The following PEX13 variants were observed in gnomAD, a reference collection of about 807,000 sequenced individuals.
PEX13 encodes peroxisome biogenesis factor 13.
In PEX13, 28 loss-of-function variants were observed where a neutral mutation model predicts 34.5. The observed-to-expected ratio is 0.81, with a 90% CI of 0.60 to 1.11. The LOEUF (loss-of-function observed/expected upper bound fraction) is 1.11. PEX13 is among the 50% of genes most tolerant of loss of function. The pLI is 0.00. For synonymous variants in PEX13, 177 were observed against 175.1 expected (o/e 1.01, Z -0.09); for missense variants, 550 against 491.0 (o/e 1.12, Z -1.13).
rs559788341 is a variant in PEX13, at chr2:61,040,713, G to A, written c.788-5013G>A. Among the ~76,000 whole-genome samples the A allele has an allele frequency of 2.6e-4, 39 of 149,792 alleles. No individual in the cohort carries two copies. The East Asian group carries it at 3.7e-3, about 14-fold the overall frequency. ...TAACAAACCGGCACACTGTGCACAC[G>A]TACCCTAGAACTTAAAGTATTAAAT... On this transcript the variant is annotated intron_variant, in intron 2 of 3. Coordinates refer to ENST00000295030, the MANE Select transcript of PEX13 (RefSeq NM_002618.4).
At chr2:61,039,230 A>G (rs892608742) in intron 2 of PEX13, among the ~76,000 whole-genome samples, 1 of 152,210 alleles carries the variant, frequency 6.6e-6, no homozygotes, top group African/African-American at 2.4e-5. Context: ...TCTTCACAGA[A>G]TTGGAAAAAA....
chr2:61,051,315 T>C lies in PEX13; in HGVS notation c.*2545T>C, dbSNP rs1680795359. 3 of 152,326 alleles carry C rather than the reference T, an allele frequency of 2.0e-5. No individual in the cohort carries two copies. The South Asian group carries it at 6.2e-4, about 32-fold the overall frequency. The allele number at this position is 152,326 out of a possible 1,614,324, so 9.4% of individuals were successfully genotyped here. On this transcript the variant is annotated 3_prime_UTR_variant, in exon 4 of 4. Coordinates refer to ENST00000295030, the MANE Select transcript of PEX13 (RefSeq NM_002618.4). Reference sequence around the variant, plus strand: ...TGTTTGATAAAACAGATTATTAAATTTGGGGTTGAGATGTCTAAATTGAAT... The same window carrying C: ...TGTTTGATAAAACAGATTATTAAATCTGGGGTTGAGATGTCTAAATTGAAT...
intron 2 of PEX13, among the ~76,000 whole-genome samples, chr2:61,036,801 G>A (rs547720029): frequency 1.3e-5 from 2 of 152,230 alleles, no homozygotes; most frequent in Non-Finnish European, 2.9e-5. Flanking sequence ...AATGTAAATG[G>A]GCTAAATGCC....
At chr2:61,046,606 G>A (rs1229052938) in intron 3 of PEX13, among the ~76,000 whole-genome samples, 1 of 151,926 alleles carries the variant, frequency 6.6e-6, no homozygotes, top group African/African-American at 2.4e-5. Flanking sequence ...ACAATAATAC[G>A]GTGAAGTGGT....
Position 61,038,124 on chromosome 2 carries a change from A to G in PEX13, c.787+6011A>G, listed in dbSNP as rs141756410. On this transcript the variant is annotated intron_variant, in intron 2 of 3. Transcript: ENST00000295030. ...TGAAGCAGTAATTAATAACCTACCA[A>G]CCAAAAAAAGTCCAGGACCAGACAG... Among the ~76,000 whole-genome samples, 133 of 152,288 alleles carry G rather than the reference A, an allele frequency of 8.7e-4. 1 individual carries two copies. In the East Asian group the frequency reaches 0.025, roughly 28 times the overall value.
At chr2:61,045,984 T>C (rs1680699123) in intron 3 of PEX13, 133 bp downstream of exon 3, 2 of 788,562 alleles carry the variant, frequency 2.5e-6, no homozygotes, top group Non-Finnish European at 4.3e-6. Context: ...CTTTTTCATG[T>C]CAATTTAGAG....
At position 61,048,804 on chromosome 2, in the gene PEX13, T is replaced by G; in HGVS notation, c.*34T>G. On this transcript the variant is annotated 3_prime_UTR_variant, in exon 4 of 4. Transcript: ENST00000295030. Reference sequence around the variant, plus strand: ...ATGTTTGCCTGCAGTTGAACAATACTTTAGAGTACTTTTTAAAATTATTTC... The same window carrying G: ...ATGTTTGCCTGCAGTTGAACAATACGTTAGAGTACTTTTTAAAATTATTTC... 1 of 1,491,754 alleles carries G rather than the reference T, an allele frequency of 6.7e-7. No homozygotes were observed. The allele number at this position is 1,491,754 out of a possible 1,614,324, so 92.4% of individuals were successfully genotyped here. A position where few individuals can be genotyped will look rare whatever the true frequency, so the allele number is the denominator to read the frequency against.
rs1323933367 is a variant in PEX13, at chr2:61,032,045, T to G, written c.719T>G (p.Phe240Cys). ...AAATCTTGGCCAATATTCTTGTTCT[T>G]TGCTGTTATCCTTGGTGGTCCTTAC... ...SAKSWPIFLF[F>C]AVILGGPYLI... The change falls in exon 2 of 4, where the codon TTT (phenylalanine) becomes TGT (cysteine). Residue 240 changes from phenylalanine to cysteine, a missense_variant. Coordinates refer to ENST00000295030, the MANE Select transcript of PEX13 (RefSeq NM_002618.4). 12 of 1,613,738 alleles carry G rather than the reference T, an allele frequency of 7.4e-6. No homozygotes were observed. The highest frequency in any genetic ancestry group is 9.3e-6 in the Non-Finnish European group (11 of 1,179,926).
In PEX13 at chr2:61,051,730, G is replaced by T. The variant is rs949859140; in HGVS notation, c.*2960G>T. 5 of 152,070 alleles carry T rather than the reference G, an allele frequency of 3.3e-5. No homozygotes were observed. Among genetic ancestry groups the T allele is most frequent in the Non-Finnish European group, 5.9e-5 (4 of 67,998 alleles). 9.4% of individuals were successfully genotyped at this position (152,070 alleles called of 1,614,324 possible). A position where few individuals can be genotyped will look rare whatever the true frequency, so the allele number is the denominator to read the frequency against. ...ATATAAGTTTACAATAATAAAACAT[G>T]TTTCTTTTAATTTTTCTGATTATAT... On this transcript the variant is annotated 3_prime_UTR_variant, in exon 4 of 4. Coordinates refer to ENST00000295030, the MANE Select transcript of PEX13 (RefSeq NM_002618.4).
chr2:61,021,837 G>T (rs1032032847), intron 1 of PEX13, among the ~76,000 whole-genome samples: 1 of 152,208 alleles, frequency 6.6e-6, no homozygotes, highest in African/African-American at 2.4e-5. Flanking sequence ...GGATCAGGCA[G>T]CAATATTTGC....
At chr2:61,039,631 A>G (rs1024805609) in intron 2 of PEX13, among the ~76,000 whole-genome samples, 3 of 152,216 alleles carry the variant, frequency 2.0e-5, no homozygotes, top group Admixed American at 1.3e-4. Flanking sequence ...ACTTAACACC[A>G]TAAAAACCCA....
At chr2:61,032,806 A>G (rs1186447686) in intron 2 of PEX13, among the ~76,000 whole-genome samples, 1 of 152,222 alleles carries the variant, frequency 6.6e-6, no homozygotes, top group East Asian at 1.9e-4. Flanking sequence ...AAAGCTAGGC[A>G]ACCTTTCAAA....
chr2:61,021,835 C>T (rs187910723), intron 1 of PEX13, among the ~76,000 whole-genome samples: 75 of 152,306 alleles, frequency 4.9e-4, no homozygotes, highest in Non-Finnish European at 9.1e-4. Flanking sequence ...AAGGATCAGG[C>T]AGCAATATTT....
At chr2:61,038,767 A>C (rs113655974) in intron 2 of PEX13, among the ~76,000 whole-genome samples, 2,530 of 152,302 alleles carry the variant, frequency 0.017, 61 homozygotes, top group African/African-American at 0.056. Context: ...GCAGTCAGGC[A>C]AGAGAAAGAA....
At chr2:61,021,818 C>T (rs1312693847) in intron 1 of PEX13, among the ~76,000 whole-genome samples, 1 of 152,142 alleles carries the variant, frequency 6.6e-6, no homozygotes, top group Non-Finnish European at 1.5e-5. Context: ...GACAAAGCTT[C>T]CAGAGGAAGG....
chr2:61,019,931 AAT>A (rs1680221672), intron 1 of PEX13, among the ~76,000 whole-genome samples: 1 of 152,158 alleles, frequency 6.6e-6, no homozygotes, highest in Non-Finnish European at 1.5e-5. Context: ...TATAAGCTAC[AAT>A]TGGTGGGAAT....
At chr2:61,024,538 A>C (rs1573549175) in intron 1 of PEX13, among the ~76,000 whole-genome samples, 1 of 152,104 alleles carries the variant, frequency 6.6e-6, no homozygotes, top group African/African-American at 2.4e-5. Flanking sequence ...GGCCGGGTGC[A>C]GTGGCTCATG....
Position 61,048,664 on chromosome 2 carries a change from C to T in PEX13, c.1106C>T (p.Ser369Phe), listed in dbSNP as rs996904615. The T allele has an allele frequency of 1.2e-6, 2 of 1,613,974 alleles. No homozygotes were observed. The highest frequency in any genetic ancestry group is 8.5e-7 in the Non-Finnish European group (1 of 1,179,866). The change falls in exon 4 of 4, where the codon TCT (serine) becomes TTT (phenylalanine). Residue 369 changes from serine (S) to phenylalanine (F), a missense_variant. By Grantham distance (155) the Ser-to-Phe change is radical (BLOSUM62 -2). Transcript: ENST00000295030. ...ACTAAAGGAGCCACGGTTGCTGATTCTTTGGATGAACAGGAAGCTGCCTTT... is the reference window on the plus strand; with the variant it reads ...ACTAAAGGAGCCACGGTTGCTGATTTTTTGGATGAACAGGAAGCTGCCTTT... ...TLTKGATVAD[S>F]LDEQEAAFES...
chr2:61,047,553 A>G (rs1012129673), intron 3 of PEX13, among the ~76,000 whole-genome samples: 3 of 152,238 alleles, frequency 2.0e-5, no homozygotes, highest in Non-Finnish European at 1.5e-5. Flanking sequence ...AACAACACAG[A>G]TAATTTTAAT....
Sources: gnomAD v4.1 joint callset for allele counts (sites outside exome capture counted in the v4.1 genomes callset) on GRCh38, gnomAD v4.1.1 for gene constraint, MANE v1.5 for transcripts, NCBI Gene and HGNC (gene_info 2026-07-23, HGNC 2026-07-21) for gene names.